ALCAM: variants seen among roughly 807,000 people sequenced by gnomAD.
ALCAM encodes the protein CD166 antigen.
In ALCAM, 30 loss-of-function variants were observed where a neutral mutation model predicts 70.9. That is an observed-to-expected ratio of 0.42 (90% confidence interval 0.32 to 0.57). ALCAM has a LOEUF of 0.57. Ranked by LOEUF, ALCAM falls within the 20% of genes least tolerant of loss-of-function variation. The probability of loss-of-function intolerance (pLI) is 0.11; values close to 1 mark genes in which losing one functional copy is unlikely to be tolerated. For missense variants in ALCAM, 591 were observed against 695.1 expected, an observed-to-expected ratio of 0.85 and a Z score of 1.68; for synonymous variants, 249 against 242.5, an observed-to-expected ratio of 1.03 and a Z score of -0.25.
chr3:105,484,354 C>T (rs757667704), intron 1 of ALCAM, among the ~76,000 whole-genome samples: 9 of 150,532 alleles, frequency 6.0e-5, no homozygotes, highest in East Asian at 3.9e-4. Flanking sequence ...ATCTATGATC[C>T]GGATATCTGT....
chr3:105,544,597 A>T (rs114092844), intron 8 of ALCAM: 1 of 153,592 alleles, frequency 6.5e-6, no homozygotes, highest in African/African-American at 2.4e-5. Flanking sequence ...ATCTCTCATC[A>T]GTGCTTGGGA....
At chr3:105,438,168 C>G (rs904372278) in intron 1 of ALCAM, among the ~76,000 whole-genome samples, 2 of 151,924 alleles carry the variant, frequency 1.3e-5, no homozygotes, top group East Asian at 3.9e-4. Flanking sequence ...TCTTCTGCTA[C>G]TGGGTATGAT....
At chr3:105,379,203 C>T (rs1935451520) in intron 1 of ALCAM, among the ~76,000 whole-genome samples, 1 of 151,856 alleles carries the variant, frequency 6.6e-6, no homozygotes, top group Non-Finnish European at 1.5e-5. Context: ...AGACACTCAA[C>T]CAAATAATAA....
At chr3:105,371,517 C>CTTTTTTTTTTTTTTTTTTTTT (rs35522913) in intron 1 of ALCAM, among the ~76,000 whole-genome samples, 1 of 142,574 alleles carries the variant, frequency 7.0e-6, no homozygotes. Context: ...AAAGATGTTT[C>CTTTTTTTTTTTTTTTTTTTTT]TTTTTTTTTT....
chr3:105,388,543 G>C (rs2107347994), intron 1 of ALCAM, among the ~76,000 whole-genome samples: 1 of 151,610 alleles, frequency 6.6e-6, no homozygotes, highest in African/African-American at 2.4e-5. Flanking sequence ...TGGTAAATTT[G>C]GTGATAAATT....
intron 2 of ALCAM, among the ~76,000 whole-genome samples, chr3:105,523,159 A>G (rs1939595641): frequency 6.6e-6 from 1 of 150,700 alleles, no homozygotes; most frequent in African/African-American, 2.4e-5. Flanking sequence ...AAAAAAAAAA[A>G]AAAAAAAGAA....
chr3:105,492,815 A>C (rs933660823), intron 1 of ALCAM, among the ~76,000 whole-genome samples: 5 of 152,218 alleles, frequency 3.3e-5, no homozygotes, highest in African/African-American at 1.2e-4. Context: ...GAAAGAAAAG[A>C]AAAAGAAACA....
intron 14 of ALCAM, among the ~76,000 whole-genome samples, chr3:105,554,843 G>T (rs745373413): frequency 6.6e-6 from 1 of 151,380 alleles, no homozygotes; most frequent in East Asian, 2.0e-4. Flanking sequence ...TGCGTTCTAG[G>T]GTATTTTCAT....
intron 1 of ALCAM, among the ~76,000 whole-genome samples, chr3:105,393,182 T>C (rs558899680): frequency 6.6e-6 from 1 of 151,922 alleles, no homozygotes; most frequent in Non-Finnish European, 1.5e-5. Context: ...TCATTTTTAT[T>C]GCCATTCTTA....
chr3:105,547,290 A>G lies in ALCAM; in HGVS notation c.1240+6A>G. The G allele has an allele frequency of 6.3e-7, 1 of 1,586,710 alleles. No homozygotes were observed. The highest frequency in any genetic ancestry group is 1.2e-5 in the South Asian group (1 of 86,438). On this transcript the variant is annotated splice_donor_region_variant and intron_variant, in intron 10 of 15. Coordinates refer to ENST00000306107, the MANE Select transcript of ALCAM (RefSeq NM_001627.4). ...ATTGACTCTCATTGTAGAAGGTAAT[A>G]AAATACTTGGGCACTAATTCAAATT...
At chr3:105,367,701 T>C (rs1284975562) in intron 1 of ALCAM, among the ~76,000 whole-genome samples, 1 of 152,184 alleles carries the variant, frequency 6.6e-6, no homozygotes, top group Non-Finnish European at 1.5e-5. Flanking sequence ...CTGGGGAAAC[T>C]GGGTGAATCT....
At chr3:105,516,645 TAA>T (rs1559818174) in intron 1 of ALCAM, among the ~76,000 whole-genome samples, 3 of 152,142 alleles carry the variant, frequency 2.0e-5, no homozygotes, top group African/African-American at 4.8e-5. Flanking sequence ...TATTGTATGT[TAA>T]GACATTTTAA....
At chr3:105,434,511 T>G (rs1037312619) in intron 1 of ALCAM, among the ~76,000 whole-genome samples, 2 of 152,042 alleles carry the variant, frequency 1.3e-5, no homozygotes, top group Non-Finnish European at 2.9e-5. Flanking sequence ...TGAGATTATT[T>G]TTCCTCCGAT....
chr3:105,545,643 T>C (rs1407991087), intron 9 of ALCAM, among the ~76,000 whole-genome samples: 1 of 151,432 alleles, frequency 6.6e-6, no homozygotes, highest in African/African-American at 2.4e-5. Context: ...CCACAGGGCT[T>C]AATAATTTAC....
At chr3:105,440,663 T>A (rs888420703) in intron 1 of ALCAM, 1 of 152,224 alleles carries the variant, frequency 6.6e-6, no homozygotes, top group Admixed American at 6.5e-5. Flanking sequence ...GGGAATCTGT[T>A]AGCAGTCCAC....
chr3:105,469,541 A>T (rs1937859803), intron 1 of ALCAM, among the ~76,000 whole-genome samples: 1 of 151,266 alleles, frequency 6.6e-6, no homozygotes, highest in Non-Finnish European at 1.5e-5. Flanking sequence ...AACCTAGAAA[A>T]TGAATGGCCC....
intron 1 of ALCAM, among the ~76,000 whole-genome samples, chr3:105,417,688 G>T (rs2107408279): frequency 6.6e-6 from 1 of 151,800 alleles, no homozygotes; most frequent in African/African-American, 2.4e-5. Context: ...CATGGGTAAA[G>T]CACTTAACAT....
Position 105,575,797 on chromosome 3 carries a change from T to C in ALCAM, c.*1346T>C, listed in dbSNP as rs1940951763. ...ATTTCTTTCCCAGGATTTACACAAC[T>C]TTAAAGGGAAGATAAATGAACATCA... On this transcript the variant is annotated 3_prime_UTR_variant, in exon 16 of 16. Coordinates refer to ENST00000306107, the MANE Select transcript of ALCAM (RefSeq NM_001627.4). 1 of 152,106 alleles carries C rather than the reference T, an allele frequency of 6.6e-6. No homozygotes were observed. Among genetic ancestry groups the C allele is most frequent in the East Asian group, 1.9e-4 (1 of 5,178 alleles). 9.4% of individuals were successfully genotyped at this position (152,106 alleles called of 1,614,324 possible). A position where few individuals can be genotyped will look rare whatever the true frequency, so the allele number is the denominator to read the frequency against.
At chr3:105,547,334 A>T in intron 10 of ALCAM, 50 bp downstream of exon 10, 1 of 1,575,626 alleles carries the variant, frequency 6.3e-7, no homozygotes, top group Non-Finnish European at 8.6e-7. Context: ...AGAATTTTTT[A>T]CCTGGTTTCT....
Sources: allele counts gnomAD v4.1 joint callset (sites outside exome capture counted in the v4.1 genomes callset), GRCh38; gene constraint gnomAD v4.1.1; transcripts MANE v1.5; gene names NCBI Gene and HGNC (gene_info 2026-07-23, HGNC 2026-07-21).